The following PATL1 variants were observed in gnomAD, a reference collection of about 807,000 sequenced individuals.
PATL1 encodes PAT1 homolog 1, processing body mRNA decay factor, also known as protein PAT1 homolog 1.
Under a neutral mutation model 100.6 loss-of-function variants are expected in PATL1, and 32 were observed. The observed-to-expected ratio is 0.32, with a 90% CI of 0.24 to 0.43. The LOEUF is 0.43. Ranked by LOEUF, PATL1 falls within the 20% of genes least tolerant of loss-of-function variation. The probability of loss-of-function intolerance (pLI) is 1.00; values close to 1 mark genes in which losing one functional copy is unlikely to be tolerated. For synonymous variants in PATL1, 332 were observed against 330.0 expected, an observed-to-expected ratio of 1.01 and a Z score of -0.07; for missense variants, 747 against 949.9, an observed-to-expected ratio of 0.79 and a Z score of 2.81.
At chr11:59,646,230 A>T (rs1390006763) in intron 15 of PATL1, among the ~76,000 whole-genome samples, 2 of 151,640 alleles carry the variant, frequency 1.3e-5, no homozygotes, top group African/African-American at 4.8e-5. Context: ...TTTCTAGGAT[A>T]AACCTCAAAT....
At chr11:59,651,807 G>A (rs900285117) in intron 11 of PATL1, among the ~76,000 whole-genome samples, 166 bp from the exon 12 acceptor site, 6 of 151,978 alleles carry the variant, frequency 3.9e-5, no homozygotes, top group African/African-American at 7.3e-5. Context: ...ACTCACACCT[G>A]TTATCTCAGC....
At chr11:59,668,597 G>A (rs1025024744) in intron 1 of PATL1, among the ~76,000 whole-genome samples, 1 of 152,000 alleles carries the variant, frequency 6.6e-6, no homozygotes, top group South Asian at 2.1e-4. Context: ...CTAGGGGTGG[G>A]GGCGGGGGTG....
rs546601291 is a variant in PATL1 at position 59,641,850 on chromosome 11, C to A, written c.2049+1030G>T. Among the ~76,000 whole-genome samples, 24 of 152,302 alleles carry A rather than the reference C, an allele frequency of 1.6e-4. No individual in the cohort carries two copies. The South Asian group carries it at 4.8e-3, about 30-fold the overall frequency. On this transcript the variant is annotated intron_variant, in intron 16 of 18. Transcript: ENST00000300146. ...AGACCAAATAACAGAAAGGCACATT[C>A]CGGATCACTCCAGAACCCCAGAGGC...
At position 59,648,318 on chromosome 11, in the gene PATL1, C is replaced by T. The variant is rs533917813; in HGVS notation, c.1734-405G>A. Reference sequence around the variant, plus strand: ...CTCCTGCCTCAGTCTCCTGAGCAGCCGGGATTATAGATGCCCGCCACCATG... The same window carrying T: ...CTCCTGCCTCAGTCTCCTGAGCAGCTGGGATTATAGATGCCCGCCACCATG... On this transcript the variant is annotated intron_variant, in intron 14 of 18. Transcript: ENST00000300146. Among the ~76,000 whole-genome samples, 17 of 150,666 alleles carry T rather than the reference C, an allele frequency of 1.1e-4. No individual in the cohort carries two copies. The East Asian group carries it at 3.1e-3, about 28-fold the overall frequency.
intron 15 of PATL1, among the ~76,000 whole-genome samples, chr11:59,643,289 G>C (rs184231610): frequency 6.6e-6 from 1 of 151,904 alleles, no homozygotes; most frequent in Non-Finnish European, 1.5e-5. Context: ...TACATACCAA[G>C]AGTTATGCTA....
At chr11:59,643,254 GGT>G (rs1280979520) in intron 15 of PATL1, among the ~76,000 whole-genome samples, 3 of 151,508 alleles carry the variant, frequency 2.0e-5, no homozygotes, top group Non-Finnish European at 4.4e-5. Context: ...GTGAACCAAA[GGT>G]GTAAAAAAAA....
At chr11:59,657,868 G>A in intron 4 of PATL1, 144 bp from the exon 5 acceptor site, 1 of 702,864 alleles carries the variant, frequency 1.4e-6, no homozygotes, top group Non-Finnish European at 2.1e-6. Context: ...TCACTTTTTG[G>A]TATATGGTTC....
At chr11:59,659,860 C>T (rs1328455649) in intron 2 of PATL1, among the ~76,000 whole-genome samples, 1 of 152,058 alleles carries the variant, frequency 6.6e-6, no homozygotes, top group African/African-American at 2.4e-5. Flanking sequence ...TTCTGCTAAG[C>T]AAATGAATAA....
At chr11:59,651,156 A>G (rs1232576924) in intron 12 of PATL1, among the ~76,000 whole-genome samples, 1 of 152,150 alleles carries the variant, frequency 6.6e-6, no homozygotes, top group East Asian at 1.9e-4. Context: ...AGGTAAACTT[A>G]TGTCATGGGG....
rs1361798202 is a variant in PATL1 at position 59,658,920 on chromosome 11, A to G, written c.372T>C (p.Ser124=). The G allele has an allele frequency of 6.5e-7, 1 of 1,550,092 alleles. No homozygotes were observed. The highest frequency in any genetic ancestry group is 2.4e-5 in the East Asian group (1 of 40,886). The part of the protein sequence containing the change: ...LQPQPGSLNS[S]IWDGSEVLRR... The stretch of plus-strand genomic sequence containing the variant: ...TCAGAACTTCAGATCCATCCCAGAT[A>G]CTGGAATTCAGACTTCCTGGTTGGG... Residue 124 remains serine, a synonymous_variant, in exon 4 of 19, where the codon AGT becomes AGC. Transcript: ENST00000300146.
At chr11:59,655,842 AAAAGT>A in intron 7 of PATL1, 102 bp from the exon 8 acceptor site, 5 of 1,397,460 alleles carry the variant, frequency 3.6e-6, no homozygotes, top group Middle Eastern at 1.8e-4. Flanking sequence ...CTTTGTTTGA[AAAAGT>A]AAAGGCAAAA....
At chr11:59,664,400 G>C (rs2134762261) in intron 2 of PATL1, among the ~76,000 whole-genome samples, 1 of 152,262 alleles carries the variant, frequency 6.6e-6, no homozygotes, top group South Asian at 2.1e-4. Flanking sequence ...TGAAAACTGA[G>C]AACATGGTAC....
In PATL1 at chr11:59,645,024, C is replaced by CT. The variant is rs59644562; in HGVS notation, c.1894-1990dup. 2.3e-3 allele frequency among the ~76,000 whole-genome samples: 301 copies of CT among 130,214 alleles called. 1 individual carries two copies. The South Asian group carries it at 0.028, about 12-fold the overall frequency. 85.4% of individuals were successfully genotyped at this position (130,214 alleles called of 152,430 possible). Reference sequence around the variant, plus strand: ...CAACCACTGTAAAGTTCCCCATCCACTTTTTTTTTTTTTTTTAATCCATTC... The same window carrying CT: ...CAACCACTGTAAAGTTCCCCATCCACTTTTTTTTTTTTTTTTTAATCCATTC... On this transcript the variant is annotated intron_variant, in intron 15 of 18. Coordinates refer to ENST00000300146, the MANE Select transcript of PATL1 (RefSeq NM_152716.3).
intron 15 of PATL1, among the ~76,000 whole-genome samples, chr11:59,647,527 G>A (rs1293138087): frequency 1.3e-5 from 2 of 152,152 alleles, no homozygotes; most frequent in Non-Finnish European, 2.9e-5. Context: ...TCAAGTAAGA[G>A]GGAATTGTTG....
At chr11:59,658,567 C>T (rs1333700127) in intron 4 of PATL1, among the ~76,000 whole-genome samples, 1 of 152,188 alleles carries the variant, frequency 6.6e-6, no homozygotes, top group Non-Finnish European at 1.5e-5. Flanking sequence ...AAGTGATCCA[C>T]CTGTCTCAGC....
rs1590701361 is a variant in PATL1, at chr11:59,655,717, G to A, written c.837C>T (p.Pro279=). Residue 279 remains proline, a synonymous_variant, in exon 8 of 19, where the codon CCC becomes CCT. Transcript: ENST00000300146. ...ATCCAGGGACCCGTGCAAACTGGCT[G>A]GGAGACATCCGTCCAGGCTGTAGCT... is the stretch of plus-strand genomic sequence containing the variant. The part of the protein sequence containing the change: ...GAQLQPGRMS[P]SQFARVPGFV... 1 of 1,598,574 alleles carries A rather than the reference G, an allele frequency of 6.3e-7. No individual in the cohort carries two copies. Among genetic ancestry groups the A allele is most frequent in the East Asian group, 2.3e-5 (1 of 44,252 alleles).
chr11:59,656,680 G>A lies in PATL1; in HGVS notation c.622-80C>T, dbSNP rs1418313942. ...CCTACACTCCCTCCCCTCAAGTACT[G>A]GTAGAGACACGAACTCAATGCAAAG... On this transcript the variant is annotated intron_variant, in intron 5 of 18. Coordinates refer to ENST00000300146, the MANE Select transcript of PATL1 (RefSeq NM_152716.3). The A allele has an allele frequency of 4.1e-6, 5 of 1,228,056 alleles. No individual in the cohort carries two copies. In the Admixed American group the frequency reaches 5.9e-5, roughly 15 times the overall value. The allele number at this position is 1,228,056 out of a possible 1,614,324, so 76.1% of individuals were successfully genotyped here.
At chr11:59,641,851 C>T (rs766469451) in intron 16 of PATL1, among the ~76,000 whole-genome samples, 5 of 152,144 alleles carry the variant, frequency 3.3e-5, no homozygotes, top group African/African-American at 4.8e-5. Context: ...AGGCACATTC[C>T]GGATCACTCC....
intron 16 of PATL1, among the ~76,000 whole-genome samples, chr11:59,640,699 G>A (rs1303558715): frequency 6.6e-6 from 1 of 151,272 alleles, no homozygotes; most frequent in Non-Finnish European, 1.5e-5. Context: ...CAGCCTGGGT[G>A]ACAGAGCAAG....
Sources: allele counts gnomAD v4.1 joint callset (sites outside exome capture counted in the v4.1 genomes callset), GRCh38; gene constraint gnomAD v4.1.1; transcripts MANE v1.5; gene names NCBI Gene and HGNC (gene_info 2026-07-23, HGNC 2026-07-21).